Variants in NRSN1 observed in about 807,000 individuals in gnomAD.
NRSN1 encodes the protein neurensin 1, also known as neurensin-1.
Under a neutral mutation model 17.3 loss-of-function variants are expected in NRSN1, and 14 were observed. That is an observed-to-expected ratio of 0.81 (90% CI 0.54 to 1.27). The LOEUF (loss-of-function observed/expected upper bound fraction) is 1.27. NRSN1 is among the 50% of genes most tolerant of loss of function. The pLI is 0.00. For synonymous variants in NRSN1, 79 were observed against 94.2 expected, an observed-to-expected ratio of 0.84 and a Z score of 0.93; for missense variants, 209 against 235.9, an observed-to-expected ratio of 0.89 and a Z score of 0.75.
rs988218306 is a variant in NRSN1 at position 24,128,188 on chromosome 6, G to C, written c.-22G>C. On this transcript the variant is annotated 5_prime_UTR_variant, in exon 2 of 4. Coordinates refer to ENST00000378491, the MANE Select transcript of NRSN1 (RefSeq NM_080723.5). ...GAGTAAACCAGAAGAAGAAGAAAAA[G>C]AGGACTTCAAAGGTAGGACTCAAAC... The C allele has an allele frequency of 3.3e-5, 5 of 152,138 alleles. No individual in the cohort carries two copies. Among genetic ancestry groups the C allele is most frequent in the Non-Finnish European group, 5.9e-5 (4 of 68,014 alleles). The allele number at this position is 152,138 out of a possible 1,614,324, so 9.4% of individuals were successfully genotyped here.
In NRSN1 at chr6:24,145,047, TATATATA is replaced by T. The variant is rs67530219; in HGVS notation, c.190-493_190-487del. Among the ~76,000 whole-genome samples the T allele has an allele frequency of 0.086, 12,452 of 145,352 alleles. 630 individuals carry two copies. Among genetic ancestry groups the T allele is most frequent in the Middle Eastern group, 0.14 (38 of 276 alleles). On this transcript the variant is annotated intron_variant, in intron 3 of 3. Coordinates refer to ENST00000378491, the MANE Select transcript of NRSN1 (RefSeq NM_080723.5). This position sits in a 1 kb window ranked among gnomAD's most constrained non-coding sequence, Gnocchi z 4.4. ...CTACTTTTAGATATATGATATATAT[TATATATA>T]ATATATATCTTTAGGTATATAATAT...
chr6:24,134,353 G>A lies in NRSN1; in HGVS notation c.26G>A (p.Gly9Glu), dbSNP rs1647769834. Residue 9 changes from glycine to glutamate, a missense_variant, in exon 3 of 4, where the codon GGG (glycine) becomes GAG (glutamate). Physicochemically the swap from Gly to Glu is moderately conservative, Grantham distance 98. Coordinates refer to ENST00000378491, the MANE Select transcript of NRSN1 (RefSeq NM_080723.5). ...ATGAGTTCTTGCAGCAACGTCTGTG[G>A]GTCCAGGCAGGCACAGGCTGCAGCT... MSSCSNVC[G>E]SRQAQAAAEG... The A allele has an allele frequency of 6.2e-7, 1 of 1,613,906 alleles. No homozygotes were observed. Among genetic ancestry groups the A allele is most frequent in the Non-Finnish European group, 8.5e-7 (1 of 1,180,012 alleles).
intron 3 of NRSN1, among the ~76,000 whole-genome samples, chr6:24,141,928 A>G (rs1760210549): frequency 2.0e-5 from 3 of 151,610 alleles, no homozygotes; most frequent in Non-Finnish European, 4.4e-5. Context: ...GGCTACCCTC[A>G]ATTTTTGATA....
At chr6:24,132,780 AC>A (rs1467672417) in intron 2 of NRSN1, among the ~76,000 whole-genome samples, 4 of 152,170 alleles carry the variant, frequency 2.6e-5, no homozygotes, top group African/African-American at 9.7e-5. Context: ...GCACCCATCA[AC>A]CCATCACCTA....
Position 24,136,983 on chromosome 6 carries a change from G to T in NRSN1, c.189+2467G>T, listed in dbSNP as rs537474081. On this transcript the variant is annotated intron_variant, in intron 3 of 3. Coordinates refer to ENST00000378491, the MANE Select transcript of NRSN1 (RefSeq NM_080723.5). ...ATTCATGCCAGTGGATTTATGAAGT[G>T]CTTTGTACCAACACAGGAAAAAGCA... Among the ~76,000 whole-genome samples, 56 of 152,286 alleles carry T rather than the reference G, an allele frequency of 3.7e-4. 1 individual carries two copies. In the South Asian group the frequency reaches 0.01, roughly 28 times the overall value.
intron 3 of NRSN1, among the ~76,000 whole-genome samples, chr6:24,144,306 A>G (rs1760264612): frequency 6.6e-6 from 1 of 152,170 alleles, no homozygotes; most frequent in Admixed American, 6.5e-5. Flanking sequence ...CTTACTTTGA[A>G]AAGAGGTGAG....
intron 1 of NRSN1, among the ~76,000 whole-genome samples, chr6:24,127,514 T>A (rs1356999): frequency 0.022 from 3,300 of 152,340 alleles, 123 homozygotes; most frequent in African/African-American, 0.074. Flanking sequence ...AGCCTTATAG[T>A]TGGCAATGGC....
intron 3 of NRSN1, among the ~76,000 whole-genome samples, chr6:24,138,346 C>T (rs1465989551): frequency 1.3e-5 from 2 of 152,120 alleles, no homozygotes; most frequent in Non-Finnish European, 2.9e-5. Flanking sequence ...TTGCTGCTGC[C>T]CCAAAATCAA....
At chr6:24,141,338 C>T (rs1760199592) in intron 3 of NRSN1, 4 of 1,009,104 alleles carry the variant, frequency 4.0e-6, no homozygotes, top group Non-Finnish European at 5.1e-6. Flanking sequence ...AGCATGGTAC[C>T]AAGACTAAGC....
rs1760161279 is a variant in NRSN1 at position 24,139,205 on chromosome 6, TC to T, written c.189+4690del. 2.6e-5 allele frequency among the ~76,000 whole-genome samples: 4 copies of T among 152,354 alleles called. No homozygotes were observed. In the South Asian group the frequency reaches 8.3e-4, roughly 32 times the overall value. ...TATAAGGAAGATCATGAGATATTTG[TC>T]TTTCTGTGCCTGGTTTATTTCACTT... On this transcript the variant is annotated intron_variant, in intron 3 of 3. Coordinates refer to ENST00000378491, the MANE Select transcript of NRSN1 (RefSeq NM_080723.5).
Position 24,146,059 on chromosome 6 carries a change from C to A in NRSN1, c.*113C>A. On this transcript the variant is annotated 3_prime_UTR_variant, in exon 4 of 4. Transcript: ENST00000378491. ...TTGACTGCCCTAGGGCTGTGTTCAG[C>A]TGTGGGCAATATAATGGGTGGACTC... 3 of 1,117,964 alleles carry A rather than the reference C, an allele frequency of 2.7e-6. No individual in the cohort carries two copies. The highest frequency in any genetic ancestry group is 4.1e-6 in the Non-Finnish European group (3 of 733,052). The allele number at this position is 1,117,964 out of a possible 1,614,324, so 69.3% of individuals were successfully genotyped here.
intron 3 of NRSN1, among the ~76,000 whole-genome samples, chr6:24,144,136 T>C (rs574029903): frequency 1.7e-4 from 26 of 152,196 alleles, no homozygotes; most frequent in Non-Finnish European, 2.9e-4. Flanking sequence ...ATACCCCAAA[T>C]AGCTACATGT....
chr6:24,126,366 G>A (rs1759948534), intron 1 of NRSN1, 26 bp downstream of exon 1: 1 of 157,294 alleles, frequency 6.4e-6, no homozygotes, highest in East Asian at 1.8e-4. Context: ...CAGAGTCCAG[G>A]GGTGGCGGCT....
intron 2 of NRSN1, among the ~76,000 whole-genome samples, 156 bp from the exon 3 acceptor site, chr6:24,134,163 C>G (rs1760081395): frequency 6.6e-6 from 1 of 152,138 alleles, no homozygotes. Flanking sequence ...TGCGCCCCGC[C>G]AAGAGAGAGG....
chr6:24,135,551 T>C (rs1335469300), intron 3 of NRSN1, among the ~76,000 whole-genome samples: 2 of 152,166 alleles, frequency 1.3e-5, no homozygotes, highest in Non-Finnish European at 2.9e-5. Flanking sequence ...TCGAGAGACA[T>C]GGGAAGCTAC....
intron 3 of NRSN1, among the ~76,000 whole-genome samples, chr6:24,144,754 C>T (rs578148427): frequency 1.6e-4 from 25 of 152,094 alleles, no homozygotes; most frequent in African/African-American, 5.3e-4. Context: ...TGTCTCACTT[C>T]ATCATGGTCA....
intron 3 of NRSN1, among the ~76,000 whole-genome samples, chr6:24,138,631 C>T (rs527393216): frequency 6.6e-6 from 1 of 152,278 alleles, no homozygotes; most frequent in Admixed American, 6.5e-5. Flanking sequence ...ACCGCCTCCT[C>T]CACAGCCTTA....
At chr6:24,140,720 C>T (rs1376669729) in intron 3 of NRSN1, among the ~76,000 whole-genome samples, 2 of 152,214 alleles carry the variant, frequency 1.3e-5, no homozygotes, top group African/African-American at 4.8e-5. Flanking sequence ...ATTCCTGCCT[C>T]GTCTCTGCCA....
At chr6:24,142,976 G>T (rs1014713592) in intron 3 of NRSN1, among the ~76,000 whole-genome samples, 4 of 150,956 alleles carry the variant, frequency 2.6e-5, no homozygotes, top group African/African-American at 9.7e-5. Flanking sequence ...ACAGAGTGTG[G>T]ATTGGTGCAT....
Sources: gnomAD v4.1 joint callset for allele counts (sites outside exome capture counted in the v4.1 genomes callset) on GRCh38, gnomAD v4.1.1 for gene constraint, Gnocchi (gnomAD v3.1) non-coding constraint, MANE v1.5 for transcripts, NCBI Gene and HGNC (gene_info 2026-07-23, HGNC 2026-07-21) for gene names.